HERC2: variants seen among roughly 807,000 people sequenced by gnomAD.
The protein encoded by HERC2 is HECT and RLD domain containing E3 ubiquitin protein ligase 2.
In HERC2, 102 loss-of-function variants were observed where a neutral mutation model predicts 537.7. The ratio of observed to expected loss-of-function variants is 0.19; its 90% CI spans 0.16 to 0.22. HERC2 has a LOEUF of 0.22. Ranked by LOEUF, HERC2 falls within the 10% of genes least tolerant of loss-of-function variation. The pLI is 1.00. For synonymous variants in HERC2, 2,224 were observed against 2,466.2 expected (o/e 0.90, Z 2.91); for missense variants, 4,236 against 6,198.2 (o/e 0.68, Z 10.63).
chr15:28,280,214 G>A lies in HERC2; in HGVS notation c.396C>T (p.Thr132=). 4.3e-6 allele frequency: 7 copies of A among 1,614,170 alleles called. No individual in the cohort carries two copies. Among genetic ancestry groups the A allele is most frequent in the Admixed American group, 1.7e-5 (1 of 60,022 alleles). The change falls in exon 5 of 93, where the codon ACC becomes ACT. Residue 132 remains threonine, a synonymous_variant. Transcript: ENST00000261609. ...EQQALAVQSA[T]TTLSALRLKQ... ...TGAGTCGCAGGGCTGAGAGGGTGGT[G>A]GTGGCTGACTGGACGGCCAGGGCCT...
At chr15:28,175,198 C>A (rs1159722325) in intron 64 of HERC2, among the ~76,000 whole-genome samples, 4 of 151,142 alleles carry the variant, frequency 2.6e-5, no homozygotes, top group African/African-American at 9.7e-5. Context: ...GTTACCAATT[C>A]TCTAAAGGAA....
chr15:28,170,243 T>C (rs576860037), intron 65 of HERC2, among the ~76,000 whole-genome samples: 9 of 152,218 alleles, frequency 5.9e-5, no homozygotes, highest in Non-Finnish European at 8.8e-5. Context: ...AGAATAGAAA[T>C]AGAAAAATAA....
chr15:28,181,927 T>C (rs1895862518), intron 57 of HERC2, among the ~76,000 whole-genome samples: 1 of 152,196 alleles, frequency 6.6e-6, no homozygotes, highest in South Asian at 2.1e-4. Context: ...CAAGTGTGTA[T>C]GCGCACACAT....
chr15:28,124,370 A>G (rs1366667594), intron 84 of HERC2, 136 bp from the exon 85 acceptor site: 6 of 487,280 alleles, frequency 1.2e-5, no homozygotes, highest in Admixed American at 4.2e-5. Flanking sequence ...GGTTTGCACA[A>G]CCTCACTGTG....
At chr15:28,261,088 T>C in intron 15 of HERC2, 118 bp from the exon 16 acceptor site, 1 of 707,388 alleles carries the variant, frequency 1.4e-6, no homozygotes, top group South Asian at 1.9e-5. Context: ...GAGGATAATC[T>C]GCTTTGCTTT....
chr15:28,301,373 C>A (rs1453399826), intron 2 of HERC2, among the ~76,000 whole-genome samples: 1 of 151,818 alleles, frequency 6.6e-6, no homozygotes, highest in African/African-American at 2.4e-5. Context: ...CAAGACTATG[C>A]CACTGCACTC....
chr15:28,190,998 G>T lies in HERC2; in HGVS notation c.8616C>A (p.Asp2872Glu). The T allele has an allele frequency of 6.2e-7, 1 of 1,612,522 alleles. No individual in the cohort carries two copies. Among genetic ancestry groups the T allele is most frequent in the Non-Finnish European group, 8.5e-7 (1 of 1,178,528 alleles). The change falls in exon 55 of 93, where the codon GAC (aspartate) becomes GAA (glutamate). Residue 2872 changes from aspartate to glutamate, a missense_variant. This residue lies in a region of HERC2 where 606 missense variants were observed against 884.5 expected (regional missense o/e 0.69). Coordinates refer to ENST00000261609, the MANE Select transcript of HERC2 (RefSeq NM_004667.6). The stretch of plus-strand genomic sequence containing the variant: ...AGTCATTCAGAAGGGGCACTGTGGT[G>T]TCAGAAGGGTTAATATTGATTGTCT... ...ELKTININPS[D>E]TTVPLLNDCT... is the part of the protein sequence containing the mutation.
rs1895337601 is a variant in HERC2, at chr15:28,176,836, G to A, written c.9433-68C>T. ...GGAGAAAGCAATGGATTTTCCCACA[G>A]ATAAAGCCAACCATGCACACATCTT... On this transcript the variant is annotated intron_variant, in intron 61 of 92. Coordinates refer to ENST00000261609, the MANE Select transcript of HERC2 (RefSeq NM_004667.6). The surrounding 1 kb of genome is among the most constrained non-coding windows in gnomAD (Gnocchi z 5.0). The A allele has an allele frequency of 6.3e-7, 1 of 1,588,678 alleles. No homozygotes were observed. Among genetic ancestry groups the A allele is most frequent in the African/African-American group, 1.3e-5 (1 of 74,592 alleles).
chr15:28,175,815 A>T (rs1425746450), intron 63 of HERC2, among the ~76,000 whole-genome samples, 159 bp from the exon 64 acceptor site: 1 of 152,236 alleles, frequency 6.6e-6, no homozygotes, highest in African/African-American at 2.4e-5. Context: ...TACACCATTA[A>T]TTCAAATTAA....
rs1388456663 is a variant in HERC2, at chr15:28,111,376, C to G, written c.*387G>C. On this transcript the variant is annotated 3_prime_UTR_variant, in exon 93 of 93. Coordinates refer to ENST00000261609, the MANE Select transcript of HERC2 (RefSeq NM_004667.6). The stretch of plus-strand genomic sequence containing the variant: ...TACACAGTTATTTCCAATATACAAT[C>G]AAGACGACTCACGACACTTGAAAGA... The G allele has an allele frequency of 1.4e-5, 3 of 213,282 alleles. No individual in the cohort carries two copies. The highest frequency in any genetic ancestry group is 2.8e-5 in the Non-Finnish European group (3 of 108,758). The allele number at this position is 213,282 out of a possible 1,614,324, so 13.2% of individuals were successfully genotyped here.
chr15:28,292,525 T>TA (rs2076345591), intron 4 of HERC2, among the ~76,000 whole-genome samples: 1 of 152,128 alleles, frequency 6.6e-6, no homozygotes, highest in Non-Finnish European at 1.5e-5. Context: ...CTCAAACAGT[T>TA]ACACGTAGTG....
chr15:28,213,834 T>A lies in HERC2; in HGVS notation c.6694A>T (p.Thr2232Ser). 2 of 1,614,006 alleles carry A rather than the reference T, an allele frequency of 1.2e-6. No homozygotes were observed. Among genetic ancestry groups the A allele is most frequent in the South Asian group, 1.1e-5 (1 of 91,074 alleles). Residue 2232 changes from threonine (T) to serine (S), a missense_variant, in exon 42 of 93, where the codon ACT becomes TCT. This residue lies in a region of HERC2 where 365 missense variants were observed against 468.8 expected (regional missense o/e 0.78). Transcript: ENST00000261609. ...QVMHDEFGEG[T>S]VTRITPKGKI... is the part of the protein sequence containing the mutation. ...CCCTTTGGGGTGATGCGAGTCACAGTGCCTTCTCCAAACTCATCGTGCATA... is the reference window on the plus strand; with the variant it reads ...CCCTTTGGGGTGATGCGAGTCACAGAGCCTTCTCCAAACTCATCGTGCATA...
At chr15:28,304,360 TTTC>T (rs1170053539) in intron 2 of HERC2, among the ~76,000 whole-genome samples, 42 of 151,180 alleles carry the variant, frequency 2.8e-4, no homozygotes, top group African/African-American at 8.0e-4. Flanking sequence ...ATGCCCTTTA[TTTC>T]TTCTTTTTTT....
At chr15:28,280,369 C>A (rs568751894) in intron 4 of HERC2, 82 bp from the exon 5 acceptor site, 1 of 1,147,100 alleles carries the variant, frequency 8.7e-7, no homozygotes, top group African/African-American at 1.5e-5. Flanking sequence ...TGGATGATGA[C>A]GACAGGTAGT....
rs2075814085 is a variant in HERC2 at position 28,274,283 on chromosome 15, G to C, written c.800+8C>G. 1.9e-6 allele frequency: 3 copies of C among 1,613,904 alleles called. No individual in the cohort carries two copies. Among genetic ancestry groups the C allele is most frequent in the Non-Finnish European group, 1.7e-6 (2 of 1,179,944 alleles). The stretch of plus-strand genomic sequence containing the variant: ...TGCGTGCAGAAGGCAAGAAAGGAAA[G>C]AACTCACCCCGTCACGACGGACCTG... On this transcript the variant is annotated splice_region_variant and intron_variant, in intron 7 of 92. Transcript: ENST00000261609.
intron 44 of HERC2, among the ~76,000 whole-genome samples, chr15:28,208,517 G>A (rs1898737849): frequency 1.3e-5 from 2 of 151,886 alleles, no homozygotes; most frequent in African/African-American, 2.4e-5. Flanking sequence ...TGTATCACCC[G>A]AAGGTCAATG....
At chr15:28,237,196 G>C in intron 25 of HERC2, 83 bp from the exon 26 acceptor site, 1 of 1,373,592 alleles carries the variant, frequency 7.3e-7, no homozygotes, top group Non-Finnish European at 1.0e-6. Flanking sequence ...CTCTCCTGCA[G>C]CTGTAACCGC....
intron 55 of HERC2, among the ~76,000 whole-genome samples, chr15:28,189,839 T>A (rs8041320): frequency 0.047 from 7,161 of 152,182 alleles, 586 homozygotes; most frequent in African/African-American, 0.17. Context: ...AAAACTTTTT[T>A]AAAAAATGAA....
chr15:28,270,403 G>A (rs2075689920), intron 10 of HERC2, among the ~76,000 whole-genome samples: 2 of 152,044 alleles, frequency 1.3e-5, no homozygotes, highest in South Asian at 4.1e-4. Flanking sequence ...GGAACCCCCT[G>A]CAGAAGGTGG....
Sources: gnomAD v4.1 joint callset for allele counts (sites outside exome capture counted in the v4.1 genomes callset) on GRCh38, gnomAD v4.1.1 for gene constraint, gnomAD v4.1.1 regional missense constraint, Gnocchi (gnomAD v3.1) non-coding constraint, MANE v1.5 for transcripts, NCBI Gene and HGNC (gene_info 2026-07-23, HGNC 2026-07-21) for gene names.